Variants in GPR39 observed in about 807,000 individuals in gnomAD.
GPR39 encodes the protein zinc sensing receptor.
In GPR39, 23 loss-of-function variants were observed where a neutral mutation model predicts 18.4. The observed-to-expected ratio is 1.25, with a 90% CI of 0.90 to 1.77. The LOEUF is 1.77. Among genes scored for constraint, GPR39 ranks in the 40% most tolerant of loss-of-function variants. The probability of loss-of-function intolerance (pLI) is 0.00; values close to 1 mark genes in which losing one functional copy is unlikely to be tolerated. For missense variants in GPR39, 647 were observed against 602.4 expected (o/e 1.07, Z -0.78); for synonymous variants, 280 against 257.9 (o/e 1.09, Z -0.82).
At chr2:132,418,089 C>T (rs1019436559) in intron 1 of GPR39, among the ~76,000 whole-genome samples, 191 bp downstream of exon 1, 1 of 152,090 alleles carries the variant, frequency 6.6e-6, no homozygotes, top group Admixed American at 6.6e-5. Flanking sequence ...CTCTGTGTTT[C>T]GGGGATTCAT....
At chr2:132,460,710 C>G (rs900016130) in intron 1 of GPR39, among the ~76,000 whole-genome samples, 1 of 152,030 alleles carries the variant, frequency 6.6e-6, no homozygotes, top group Non-Finnish European at 1.5e-5. Context: ...AACAATTTCT[C>G]TGTCTCTGTC....
At chr2:132,495,297 A>G (rs1681619082) in intron 1 of GPR39, among the ~76,000 whole-genome samples, 1 of 152,194 alleles carries the variant, frequency 6.6e-6, no homozygotes. Flanking sequence ...TGAGTGTGGC[A>G]GTGGCTTTTG....
chr2:132,417,539 TG>T lies in GPR39; in HGVS notation c.499del (p.Ala167HisfsTer15). 4 of 1,614,144 alleles carry T rather than the reference TG, an allele frequency of 2.5e-6. 1 individual carries two copies. Among genetic ancestry groups the T allele is most frequent in the Middle Eastern group, 3.3e-4 (2 of 6,062 alleles). On this transcript the variant is annotated frameshift_variant, in exon 1 of 2. Transcript: ENST00000329321. LOFTEE classifies it high-confidence loss of function. ...IGFVWVTSAL[V>X]ALPLLFAMGT... Reference sequence around the variant, plus strand: ...TTCGTCTGGGTCACCTCCGCCCTGGTGGCACTGCCCTTGCTGTTTGCCATGG... The same window carrying T: ...TTCGTCTGGGTCACCTCCGCCCTGGTGCACTGCCCTTGCTGTTTGCCATGG...
At chr2:132,425,435 A>G (rs568184274) in intron 1 of GPR39, among the ~76,000 whole-genome samples, 2 of 152,244 alleles carry the variant, frequency 1.3e-5, no homozygotes, top group Admixed American at 6.5e-5. Flanking sequence ...GCTGCTCCTG[A>G]AATGGAGGAA....
chr2:132,591,485 G>T (rs190578410), intron 1 of GPR39, among the ~76,000 whole-genome samples: 1 of 152,098 alleles, frequency 6.6e-6, no homozygotes, highest in African/African-American at 2.4e-5. Context: ...TTTGAGGTTT[G>T]GGGACTTGGA....
intron 1 of GPR39, among the ~76,000 whole-genome samples, chr2:132,567,835 A>G: frequency 6.6e-6 from 1 of 151,640 alleles, no homozygotes; most frequent in East Asian, 1.9e-4. Context: ...TGCGGTTCTC[A>G]TGATAGTAAG....
At chr2:132,531,525 C>T (rs1679630961) in intron 1 of GPR39, among the ~76,000 whole-genome samples, 1 of 152,224 alleles carries the variant, frequency 6.6e-6, no homozygotes, top group Non-Finnish European at 1.5e-5. Context: ...CTACAGAACT[C>T]TCCACCCCAA....
At chr2:132,608,201 A>G (rs1440318767) in intron 1 of GPR39, among the ~76,000 whole-genome samples, 2 of 152,206 alleles carry the variant, frequency 1.3e-5, no homozygotes, top group Admixed American at 6.5e-5. Context: ...CGAAAATAAA[A>G]TAATACTAAT....
chr2:132,503,594 A>G (rs1172649715), intron 1 of GPR39, among the ~76,000 whole-genome samples: 4 of 152,166 alleles, frequency 2.6e-5, no homozygotes, highest in East Asian at 3.9e-4. Flanking sequence ...CTGCAGTTCT[A>G]TAGGGAGGAT....
intron 1 of GPR39, among the ~76,000 whole-genome samples, chr2:132,441,058 G>A (rs972179517): frequency 5.3e-5 from 8 of 152,294 alleles, no homozygotes; most frequent in African/African-American, 1.9e-4. Context: ...CCATAGCCAT[G>A]CTCATAAGAA....
intron 1 of GPR39, among the ~76,000 whole-genome samples, chr2:132,507,142 A>T (rs1679148837): frequency 6.6e-6 from 1 of 152,178 alleles, no homozygotes; most frequent in African/African-American, 2.4e-5. Context: ...TTGGGAATTC[A>T]ATTTCAACAT....
At position 132,645,462 on chromosome 2, in the gene GPR39, G is replaced by A; in HGVS notation, c.1218G>A (p.Glu406=). ...GCCAGTCCTCTGCAAGGAGAACTGA[G>A]AAGATTTTCTTAAGCACTTTTCAGA... is the stretch of plus-strand genomic sequence containing the variant. ...SRRQSSARRT[E]KIFLSTFQSE... Residue 406 remains glutamate (E), a synonymous_variant, in exon 2 of 2, where the codon GAG becomes GAA. Coordinates refer to ENST00000329321, the MANE Select transcript of GPR39 (RefSeq NM_001508.3). 1 of 1,612,682 alleles carries A rather than the reference G, an allele frequency of 6.2e-7. No homozygotes were observed.
intron 1 of GPR39, among the ~76,000 whole-genome samples, chr2:132,474,109 C>CT (rs977353327): frequency 4.2e-4 from 43 of 102,450 alleles, no homozygotes; most frequent in African/African-American, 1.1e-3. Context: ...TTTTGAGGTC[C>CT]TTTGGTATTA....
chr2:132,573,438 C>A (rs987077163), intron 1 of GPR39, among the ~76,000 whole-genome samples: 1 of 151,816 alleles, frequency 6.6e-6, no homozygotes, highest in Non-Finnish European at 1.5e-5. Flanking sequence ...GAGGGCCAGG[C>A]ATTTTCATGC....
At chr2:132,436,886 G>A (rs145811919) in intron 1 of GPR39, among the ~76,000 whole-genome samples, 99 of 152,260 alleles carry the variant, frequency 6.5e-4, no homozygotes, top group Admixed American at 5.4e-3. Flanking sequence ...ATTAACTAAC[G>A]TTTTAAAAAA....
chr2:132,495,669 A>G (rs1418632442), intron 1 of GPR39, among the ~76,000 whole-genome samples: 1 of 152,182 alleles, frequency 6.6e-6, no homozygotes, highest in Non-Finnish European at 1.5e-5. Flanking sequence ...TGACAGTTTC[A>G]AATTTCCTGC....
intron 1 of GPR39, among the ~76,000 whole-genome samples, chr2:132,461,951 C>T (rs1680840571): frequency 1.3e-5 from 2 of 152,138 alleles, no homozygotes; most frequent in African/African-American, 4.8e-5. Flanking sequence ...GGCTCTTCTT[C>T]CATCAGTGGG....
At chr2:132,491,276 T>G (rs1227286556) in intron 1 of GPR39, among the ~76,000 whole-genome samples, 1 of 152,190 alleles carries the variant, frequency 6.6e-6, no homozygotes, top group African/African-American at 2.4e-5. Flanking sequence ...GAAATTCTTT[T>G]TGGAGAGACA....
chr2:132,529,952 T>G (rs1218824536), intron 1 of GPR39, among the ~76,000 whole-genome samples: 3 of 152,084 alleles, frequency 2.0e-5, no homozygotes, highest in Non-Finnish European at 4.4e-5. Context: ...GCGCCTCTCC[T>G]CCTCCAAAGG....
Sources: gnomAD v4.1 joint callset for allele counts (sites outside exome capture counted in the v4.1 genomes callset) on GRCh38, gnomAD v4.1.1 for gene constraint, MANE v1.5 for transcripts, NCBI Gene and HGNC (gene_info 2026-07-23, HGNC 2026-07-21) for gene names.